PRRT4: variants seen among roughly 807,000 people sequenced by gnomAD.
PRRT4 encodes the protein proline-rich transmembrane protein 4.
PRRT4 carries 59 observed loss-of-function variants against 55.6 expected under a neutral mutation model. The ratio of observed to expected loss-of-function variants is 1.06; its 90% CI spans 0.86 to 1.32. The LOEUF is 1.32. Ranked by LOEUF, PRRT4 falls within the 40% of genes most tolerant of loss-of-function variation. The pLI, the probability that PRRT4 is intolerant of heterozygous loss-of-function variation, is 0.00. For missense variants in PRRT4, 1,217 were observed against 1,222.0 expected (o/e 1.00, Z 0.06); for synonymous variants, 606 against 601.8 (o/e 1.01, Z -0.10).
chr7:128,358,649 A>G lies in PRRT4; in HGVS notation c.877+32T>C. 6.5e-7 allele frequency: 1 copy of G among 1,545,868 alleles called. No homozygotes were observed. Among genetic ancestry groups the G allele is most frequent in the East Asian group, 2.4e-5 (1 of 40,902 alleles). Reference sequence around the variant, plus strand: ...AGCATGTAGTAAGTGCTCAATAAATAATTGTCAAGTTCAAATGAATTGGAT... The same window carrying G: ...AGCATGTAGTAAGTGCTCAATAAATGATTGTCAAGTTCAAATGAATTGGAT... On this transcript the variant is annotated intron_variant, in intron 4 of 4. Coordinates refer to ENST00000535159, the Ensembl canonical transcript of PRRT4. This position sits in a 1 kb window ranked among gnomAD's most constrained non-coding sequence, Gnocchi z 4.4.
At chr7:128,355,897 T>C (rs989992253) in intron 4 of PRRT4, among the ~76,000 whole-genome samples, 4 of 152,188 alleles carry the variant, frequency 2.6e-5, no homozygotes, top group African/African-American at 9.7e-5. Context: ...TTCTCACCCA[T>C]GGGCCACAGG....
chr7:128,351,203 C>A, exon 5 of PRRT4: 1 of 1,541,130 alleles, frequency 6.5e-7, no homozygotes, highest in African/African-American at 1.4e-5. Flanking sequence ...TCCGGGGGCG[C>A]AGCGGGGCCA....
Position 128,359,910 on chromosome 7 carries a change from A to AG in PRRT4, c.81dup (p.Ser28LeufsTer17). ...GTGGTGGCAGGGGCACCTGGGATGG[A>AG]GGGGGTGGGCTGGGGGCCCACAGTA... On this transcript the variant is annotated frameshift_variant, in exon 2 of 5. Transcript: ENST00000535159. LOFTEE classifies it high-confidence loss of function. The AG allele has an allele frequency of 7.9e-7, 1 of 1,269,838 alleles. No homozygotes were observed. The highest frequency in any genetic ancestry group is 1.0e-6 in the Non-Finnish European group (1 of 957,648). The allele number at this position is 1,269,838 out of a possible 1,614,324, so 78.7% of individuals were successfully genotyped here. A position where few individuals can be genotyped will look rare whatever the true frequency, so the allele number is the denominator to read the frequency against.
At chr7:128,351,391 G>C (rs1388107078) in exon 5 of PRRT4, 1 of 1,542,884 alleles carries the variant, frequency 6.5e-7, no homozygotes, top group Non-Finnish European at 8.7e-7. Context: ...TGGGGAGGGC[G>C]GGCGGAAGTC....
chr7:128,352,315 GC>G lies in PRRT4; in HGVS notation c.1240del (p.Ala414ProfsTer157). On this transcript the variant is annotated frameshift_variant, in exon 5 of 5. Coordinates refer to ENST00000535159, the Ensembl canonical transcript of PRRT4. LOFTEE classifies it high-confidence loss of function. ...ATAGGCGTCGTAGAAGAGCGGGAAG[GC>G]CCGCGTGGTCCCGGCCGACAGCAGC... The G allele has an allele frequency of 6.5e-7, 1 of 1,542,404 alleles. No homozygotes were observed.
At chr7:128,351,444 C>T (rs1448690177) in exon 5 of PRRT4, 1 of 1,524,170 alleles carries the variant, frequency 6.6e-7, no homozygotes, top group Non-Finnish European at 8.8e-7. Context: ...GGGACGGGGC[C>T]GGGTTGGCCG....
Position 128,358,969 on chromosome 7 carries a change from G to A in PRRT4, c.758-169C>T, listed in dbSNP as rs1257865786. ...TACACCATGAGCTAAGCTACAAAGA[G>A]CAAACCAGATTCAGTATGGCAAAGA... On this transcript the variant is annotated intron_variant, in intron 3 of 4. Transcript: ENST00000535159. The surrounding 1 kb of genome is among the most constrained non-coding windows in gnomAD (Gnocchi z 4.4). 6.6e-6 allele frequency among the ~76,000 whole-genome samples: 1 copy of A among 152,184 alleles called. No homozygotes were observed. Among genetic ancestry groups the A allele is most frequent in the African/African-American group, 2.4e-5 (1 of 41,434 alleles).
chr7:128,350,592 GTGAA>G (rs1364140961), downstream of PRRT4: 2 of 536,534 alleles, frequency 3.7e-6, no homozygotes, highest in Non-Finnish European at 6.7e-6. Context: ...TTTATTGCTG[GTGAA>G]TGCCAAGGAA....
chr7:128,358,964 A>G lies in PRRT4; in HGVS notation c.758-164T>C, dbSNP rs568301529. On this transcript the variant is annotated intron_variant, in intron 3 of 4. Transcript: ENST00000535159. This position sits in a 1 kb window ranked among gnomAD's most constrained non-coding sequence, Gnocchi z 4.4. ...TCATGTACACCATGAGCTAAGCTAC[A>G]AAGAGCAAACCAGATTCAGTATGGC... 5.3e-4 allele frequency among the ~76,000 whole-genome samples: 81 copies of G among 152,356 alleles called. No homozygotes were observed. Among genetic ancestry groups the G allele is most frequent in the African/African-American group, 1.9e-3 (81 of 41,584 alleles).
At chr7:128,351,784 A>G in exon 5 of PRRT4, 5 of 1,424,482 alleles carry the variant, frequency 3.5e-6, no homozygotes, top group South Asian at 1.5e-5. Flanking sequence ...GGGCCCTTCC[A>G]GGCCGGATTG....
exon 5 of PRRT4, chr7:128,351,842 C>G (rs1796982589): frequency 7.5e-7 from 1 of 1,341,864 alleles, no homozygotes; most frequent in Non-Finnish European, 9.5e-7. Context: ...TGCAGGGCTC[C>G]GCTCAGCAGC....
intron 4 of PRRT4, among the ~76,000 whole-genome samples, chr7:128,353,607 C>T (rs7810319): frequency 1.3e-5 from 2 of 152,072 alleles, no homozygotes; most frequent in Non-Finnish European, 2.9e-5. Context: ...CCTATCCTGC[C>T]TCATCCACAA....
chr7:128,352,581 G>A (rs754939033), exon 5 of PRRT4: 3 of 1,544,350 alleles, frequency 1.9e-6, no homozygotes, highest in South Asian at 2.4e-5. Context: ...ATTCTCCCAC[G>A]CTGCAGGACC....
At chr7:128,351,597 C>G in exon 5 of PRRT4, 1 of 1,505,216 alleles carries the variant, frequency 6.6e-7, no homozygotes, top group Non-Finnish European at 8.8e-7. Flanking sequence ...GCCCAGTGAC[C>G]CAGCCTCCCG....
chr7:128,352,163 TG>T lies in PRRT4; in HGVS notation c.1392del (p.Thr465ProfsTer106), dbSNP rs1374372462. The T allele has an allele frequency of 7.2e-7, 1 of 1,387,860 alleles. No individual in the cohort carries two copies. 86.0% of individuals were successfully genotyped at this position (1,387,860 alleles called of 1,614,324 possible). On this transcript the variant is annotated frameshift_variant, in exon 5 of 5. Coordinates refer to ENST00000535159, the Ensembl canonical transcript of PRRT4. LOFTEE classifies it high-confidence loss of function. ...AGGAGCAGCAGCGCAGCCAGGCCGG[TG>T]GGGCACCGCGGCGGGCGCGGCCGGG... is the stretch of plus-strand genomic sequence containing the variant.
chr7:128,353,474 C>T (rs996690368), intron 4 of PRRT4, among the ~76,000 whole-genome samples: 3 of 152,060 alleles, frequency 2.0e-5, no homozygotes, highest in East Asian at 1.9e-4. Flanking sequence ...CACACACACA[C>T]GTACATCAGG....
At chr7:128,355,035 A>C (rs1797084594) in intron 4 of PRRT4, among the ~76,000 whole-genome samples, 2 of 152,338 alleles carry the variant, frequency 1.3e-5, no homozygotes, top group Middle Eastern at 3.4e-3. Context: ...CTCTGGTCTC[A>C]AACAGTTTCT....
exon 5 of PRRT4, chr7:128,352,666 G>C: frequency 6.5e-7 from 1 of 1,527,042 alleles, no homozygotes; most frequent in Non-Finnish European, 8.8e-7. Context: ...GCCAGAGATG[G>C]GGACTGTGGG....
chr7:128,358,935 A>T lies in PRRT4; in HGVS notation c.758-135T>A. 1 of 1,367,574 alleles carries T rather than the reference A, an allele frequency of 7.3e-7. No homozygotes were observed. Among genetic ancestry groups the T allele is most frequent in the Non-Finnish European group, 9.8e-7 (1 of 1,024,422 alleles). The allele number at this position is 1,367,574 out of a possible 1,614,324, so 84.7% of individuals were successfully genotyped here. The stretch of plus-strand genomic sequence containing the variant: ...GTCCCAGGAATTGTAGCCACATGCT[A>T]AGCTCATGTACACCATGAGCTAAGC... On this transcript the variant is annotated intron_variant, in intron 3 of 4. Coordinates refer to ENST00000535159, the Ensembl canonical transcript of PRRT4. This position sits in a 1 kb window ranked among gnomAD's most constrained non-coding sequence, Gnocchi z 4.4.
Sources: allele counts gnomAD v4.1 joint callset (sites outside exome capture counted in the v4.1 genomes callset), GRCh38; gene constraint gnomAD v4.1.1; non-coding constraint Gnocchi (gnomAD v3.1); transcripts MANE v1.5; gene names NCBI Gene and HGNC (gene_info 2026-07-23, HGNC 2026-07-21).